ERC1: variants seen among roughly 807,000 people sequenced by gnomAD.
The protein encoded by ERC1 is RAB6 interacting protein 2.
Under a neutral mutation model 132.0 loss-of-function variants are expected in ERC1, and 56 were observed. The observed-to-expected ratio is 0.42, with a 90% CI of 0.34 to 0.53. The LOEUF (loss-of-function observed/expected upper bound fraction) is 0.53, where lower values mean the gene tolerates loss of function less well. Among genes scored for constraint, ERC1 ranks in the 20% least tolerant of loss-of-function variants. The pLI is 0.03. For synonymous variants in ERC1, 478 were observed against 476.1 expected (o/e 1.00, Z -0.05); for missense variants, 1,202 against 1,349.9 (o/e 0.89, Z 1.72).
chr12:1,339,001 G>A (rs1402161110), intron 15 of ERC1, among the ~76,000 whole-genome samples: 5 of 152,230 alleles, frequency 3.3e-5, no homozygotes, highest in Admixed American at 6.5e-5. Flanking sequence ...ATAGTGTGGC[G>A]GCAGCAGGAT....
At chr12:1,233,678 A>G (rs545476705) in intron 12 of ERC1, among the ~76,000 whole-genome samples, 1 of 152,286 alleles carries the variant, frequency 6.6e-6, no homozygotes, top group African/African-American at 2.4e-5. Flanking sequence ...GAATTTCATC[A>G]TGAAGAAGCA....
intron 16 of ERC1, among the ~76,000 whole-genome samples, chr12:1,398,175 G>T (rs2090703386): frequency 6.6e-6 from 1 of 151,946 alleles, no homozygotes; most frequent in African/African-American, 2.4e-5. Context: ...GTAGAGATGG[G>T]GTTTCACCAT....
chr12:1,297,793 A>T (rs937655507), intron 15 of ERC1, among the ~76,000 whole-genome samples: 8 of 152,084 alleles, frequency 5.3e-5, no homozygotes, highest in African/African-American at 9.7e-5. Flanking sequence ...GAATTCCCTT[A>T]AAAGACAACT....
chr12:1,461,293 A>G (rs1177638092), intron 18 of ERC1, among the ~76,000 whole-genome samples: 1 of 152,188 alleles, frequency 6.6e-6, no homozygotes, highest in Non-Finnish European at 1.5e-5. Context: ...GAATGATTGA[A>G]TATTTTTGAA....
At chr12:1,227,289 C>T (rs571196540) in intron 12 of ERC1, among the ~76,000 whole-genome samples, 1 of 152,294 alleles carries the variant, frequency 6.6e-6, no homozygotes, top group African/African-American at 2.4e-5. Context: ...CTTGCCAATA[C>T]TTGTTATCTT....
intron 1 of ERC1, among the ~76,000 whole-genome samples, chr12:1,024,842 G>GAAAAA (rs201143939): frequency 1.4e-5 from 1 of 72,512 alleles, no homozygotes; most frequent in African/African-American, 4.6e-5. Flanking sequence ...AAAAAAAGTG[G>GAAAAA]AAAAAAAAAA....
At chr12:1,236,565 G>T (rs2075427739) in intron 12 of ERC1, among the ~76,000 whole-genome samples, 1 of 152,080 alleles carries the variant, frequency 6.6e-6, no homozygotes, top group Non-Finnish European at 1.5e-5. Flanking sequence ...TGAAATACAT[G>T]TTCTTTATGG....
At chr12:1,172,260 A>G (rs1239862236) in intron 8 of ERC1, among the ~76,000 whole-genome samples, 3 of 152,180 alleles carry the variant, frequency 2.0e-5, no homozygotes, top group Admixed American at 6.5e-5. Context: ...ACTTGAGGCC[A>G]GGAGTTTGAG....
At chr12:1,221,148 T>C (rs1434138361) in intron 12 of ERC1, among the ~76,000 whole-genome samples, 1 of 152,252 alleles carries the variant, frequency 6.6e-6, no homozygotes, top group African/African-American at 2.4e-5. Context: ...GCTGAGATTT[T>C]TGTCCGTTTT....
chr12:1,243,550 C>T (rs1447933907), intron 13 of ERC1, among the ~76,000 whole-genome samples: 1 of 152,200 alleles, frequency 6.6e-6, no homozygotes, highest in African/African-American at 2.4e-5. Flanking sequence ...GAGGCACTCA[C>T]TTCATTAGGA....
chr12:1,313,185 A>G lies in ERC1; in HGVS notation c.2780+23173A>G, dbSNP rs551560886. On this transcript the variant is annotated intron_variant, in intron 15 of 18. Transcript: ENST00000360905. ...GGTGGCATACAGAAGCCTTTCCTACATATTCCAGAATATGAAGAAAGACAA... is the reference window on the plus strand; with the variant it reads ...GGTGGCATACAGAAGCCTTTCCTACGTATTCCAGAATATGAAGAAAGACAA... 2.6e-5 allele frequency among the ~76,000 whole-genome samples: 4 copies of G among 152,128 alleles called. No individual in the cohort carries two copies. The East Asian group carries it at 5.8e-4, about 22-fold the overall frequency.
At chr12:1,287,922 A>C (rs2154339164) in intron 14 of ERC1, among the ~76,000 whole-genome samples, 1 of 152,318 alleles carries the variant, frequency 6.6e-6, no homozygotes, top group South Asian at 2.1e-4. Flanking sequence ...GTTCACATAC[A>C]TGGAGGGTGA....
chr12:1,433,551 G>T (rs1259902782), intron 17 of ERC1, among the ~76,000 whole-genome samples: 1 of 152,216 alleles, frequency 6.6e-6, no homozygotes, highest in Non-Finnish European at 1.5e-5. Flanking sequence ...GAATGGCTTT[G>T]CAGTATTCCT....
chr12:1,072,118 A>AAG (rs1940500131), intron 2 of ERC1, among the ~76,000 whole-genome samples: 1 of 151,704 alleles, frequency 6.6e-6, no homozygotes. Flanking sequence ...AAAACAAAAA[A>AAG]GTGTAAAGTC....
At chr12:1,027,243 G>C (rs1183059616) in intron 1 of ERC1, among the ~76,000 whole-genome samples, 1 of 152,140 alleles carries the variant, frequency 6.6e-6, no homozygotes, top group African/African-American at 2.4e-5. Context: ...TATTGATATT[G>C]AGTTTGACCA....
intron 8 of ERC1, among the ~76,000 whole-genome samples, chr12:1,174,919 G>A (rs1445204713): frequency 6.6e-6 from 1 of 152,140 alleles, no homozygotes; most frequent in Admixed American, 6.5e-5. Context: ...GGTATACCTC[G>A]GAGATATTGC....
At chr12:1,142,910 A>G (rs1341196205) in intron 8 of ERC1, among the ~76,000 whole-genome samples, 1 of 152,068 alleles carries the variant, frequency 6.6e-6, no homozygotes, top group African/African-American at 2.4e-5. Flanking sequence ...TGTTTGGCTT[A>G]TTTATTGAGA....
chr12:1,479,523 T>C (rs146803997), intron 18 of ERC1, among the ~76,000 whole-genome samples: 338 of 152,336 alleles, frequency 2.2e-3, no homozygotes, highest in African/African-American at 7.6e-3. Flanking sequence ...AGAAACTAAA[T>C]TCTCAGTTAT....
chr12:1,424,540 C>CA (rs2092547014), intron 17 of ERC1, among the ~76,000 whole-genome samples: 2 of 151,874 alleles, frequency 1.3e-5, no homozygotes, highest in Admixed American at 1.3e-4. Flanking sequence ...GGGAAAAAAG[C>CA]AAAAAAGAGT....
Sources: allele counts gnomAD v4.1 joint callset (sites outside exome capture counted in the v4.1 genomes callset), GRCh38; gene constraint gnomAD v4.1.1; transcripts MANE v1.5; gene names NCBI Gene and HGNC (gene_info 2026-07-23, HGNC 2026-07-21).